The following DHRS13 variants were observed in gnomAD, a reference collection of about 807,000 sequenced individuals.
DHRS13 encodes dehydrogenase/reductase 13, also known as dehydrogenase/reductase SDR family member 13.
In DHRS13, 22 loss-of-function variants were observed where a neutral mutation model predicts 17.9. The ratio of observed to expected loss-of-function variants is 1.23; its 90% CI spans 0.88 to 1.75. The LOEUF (loss-of-function observed/expected upper bound fraction) is 1.75. Ranked by LOEUF, DHRS13 falls within the 40% of genes most tolerant of loss-of-function variation. The probability of loss-of-function intolerance (pLI) is 0.00; values close to 1 mark genes in which losing one functional copy is unlikely to be tolerated. For synonymous variants in DHRS13, 206 were observed against 220.4 expected (o/e 0.93, Z 0.58); for missense variants, 483 against 519.9 (o/e 0.93, Z 0.69).
Position 28,901,778 on chromosome 17 carries a change from C to T in DHRS13, c.247-162G>A, listed in dbSNP as rs1444426276. On this transcript the variant is annotated intron_variant, in intron 2 of 4. Transcript: ENST00000378895. This position sits in a 1 kb window ranked among gnomAD's most constrained non-coding sequence, Gnocchi z 4.3. ...GTGTGGATTCAAATCCTGACTTTGC[C>T]TTTTACTAAAGTGTGACCTTGGGCA... 7.9e-7 allele frequency: 1 copy of T among 1,267,998 alleles called. No homozygotes were observed. The highest frequency in any genetic ancestry group is 1.6e-5 in the South Asian group (1 of 62,980). The allele number at this position is 1,267,998 out of a possible 1,614,324, so 78.5% of individuals were successfully genotyped here. A position where few individuals can be genotyped will look rare whatever the true frequency, so the allele number is the denominator to read the frequency against.
In DHRS13 at chr17:28,901,842, G is replaced by T. The variant is rs749535328; in HGVS notation, c.247-226C>A. 1.7e-6 allele frequency: 1 copy of T among 601,812 alleles called. No homozygotes were observed. Among genetic ancestry groups the T allele is most frequent in the East Asian group, 3.0e-5 (1 of 32,896 alleles). 37.3% of individuals were successfully genotyped at this position (601,812 alleles called of 1,614,324 possible). ...CTCTGGGTCTCAGTTCTCTCACTGC[G>T]TAAAGGGAATAATAATAACAACAGT... On this transcript the variant is annotated intron_variant, in intron 2 of 4. Transcript: ENST00000378895. This position sits in a 1 kb window ranked among gnomAD's most constrained non-coding sequence, Gnocchi z 4.3.
Position 28,901,497 on chromosome 17 carries a change from A to T in DHRS13, c.366T>A (p.Asn122Lys). The T allele has an allele frequency of 6.2e-7, 1 of 1,613,402 alleles. No individual in the cohort carries two copies. The highest frequency in any genetic ancestry group is 8.5e-7 in the Non-Finnish European group (1 of 1,179,750). ...GCAGGGCCTGCTGCCCCTCACCGGCATTGTGGATGAGGATGTCCAACCGTG... is the reference window on the plus strand; with the variant it reads ...GCAGGGCCTGCTGCCCCTCACCGGCTTTGTGGATGAGGATGTCCAACCGTG... The part of the protein sequence containing the change: ...SEPRLDILIH[N>K]AGISSCGRTR... The change falls in exon 3 of 5, where the codon AAT (asparagine) becomes AAA (lysine). Residue 122 changes from asparagine (N) to lysine (K), a missense_variant. By Grantham distance (94) the Asn-to-Lys change is moderately conservative. Transcript: ENST00000378895. This position sits in a 1 kb window ranked among gnomAD's most constrained non-coding sequence, Gnocchi z 4.3.
chr17:28,898,145 A>G lies in DHRS13; in HGVS notation c.*296T>C. The G allele has an allele frequency of 2.3e-6, 1 of 427,172 alleles. No individual in the cohort carries two copies. Among genetic ancestry groups the G allele is most frequent in the South Asian group, 2.8e-5 (1 of 36,052 alleles). The allele number at this position is 427,172 out of a possible 1,614,324, so 26.5% of individuals were successfully genotyped here. ...TGCAAACTCCCTGCCTCTGCTCCAG[A>G]GCTGATCAGAATCAATAAGGGTGGG... is the stretch of plus-strand genomic sequence containing the variant. On this transcript the variant is annotated 3_prime_UTR_variant, in exon 5 of 5. Transcript: ENST00000378895.
In DHRS13 at chr17:28,902,955, C is replaced by T; in HGVS notation, c.-11G>A. 2.7e-6 allele frequency: 4 copies of T among 1,508,224 alleles called. No individual in the cohort carries two copies. The South Asian group carries it at 4.9e-5, about 18-fold the overall frequency. The allele number at this position is 1,508,224 out of a possible 1,614,324, so 93.4% of individuals were successfully genotyped here. A position where few individuals can be genotyped will look rare whatever the true frequency, so the allele number is the denominator to read the frequency against. ...CAGCAGCGCCTCCATGCCGGCCGCG[C>T]CTCCCGGCTCCCGCCCAGGCCCCGC... is the stretch of plus-strand genomic sequence containing the variant. On this transcript the variant is annotated 5_prime_UTR_variant, in exon 1 of 5. Coordinates refer to ENST00000378895, the MANE Select transcript of DHRS13 (RefSeq NM_144683.4). The surrounding 1 kb of genome is among the most constrained non-coding windows in gnomAD (Gnocchi z 4.0).
At position 28,902,819 on chromosome 17, in the gene DHRS13, C is replaced by G; in HGVS notation, c.126G>C (p.Thr42=). The G allele has an allele frequency of 6.5e-7, 1 of 1,537,242 alleles. No homozygotes were observed. Among genetic ancestry groups the G allele is most frequent in the Non-Finnish European group, 8.7e-7 (1 of 1,150,886 alleles). The change falls in exon 1 of 5, where the codon ACG becomes ACC. Residue 42 remains threonine, a splice_region_variant and synonymous_variant. Coordinates refer to ENST00000378895, the MANE Select transcript of DHRS13 (RefSeq NM_144683.4). This position sits in a 1 kb window ranked among gnomAD's most constrained non-coding sequence, Gnocchi z 4.0. ...GCACTCACCCGCCTCCGCACTCACCCGTGACCACGGCCGTGCGGCCCCGCA... is the reference window on the plus strand; with the variant it reads ...GCACTCACCCGCCTCCGCACTCACCGGTGACCACGGCCGTGCGGCCCCGCA... The part of the protein sequence containing the change: ...GNLRGRTAVV[T]GANSGIGKMT...
In DHRS13 at chr17:28,898,342, T is replaced by G; in HGVS notation, c.*99A>C. ...GGGCCCCAGAAAGTAACCACGGAGG[T>G]CAAGATCACAAACCCGTCAGTGTCC... On this transcript the variant is annotated 3_prime_UTR_variant, in exon 5 of 5. Transcript: ENST00000378895. 7.2e-7 allele frequency: 1 copy of G among 1,390,262 alleles called. No homozygotes were observed. The highest frequency in any genetic ancestry group is 1.4e-5 in the South Asian group (1 of 71,568). The allele number at this position is 1,390,262 out of a possible 1,614,324, so 86.1% of individuals were successfully genotyped here.
chr17:28,901,157 G>A lies in DHRS13; in HGVS notation c.515C>T (p.Ala172Val). 1 of 1,614,198 alleles carries A rather than the reference G, an allele frequency of 6.2e-7. No homozygotes were observed. The highest frequency in any genetic ancestry group is 1.1e-5 in the South Asian group (1 of 91,088). ...PSRVVVVASA[A>V]HCRGRLDFKR... The stretch of plus-strand genomic sequence containing the variant: ...GAAGTCAAGACGTCCCCGACAGTGG[G>A]CAGCTGAGGCTACCACCACCACGCG... Residue 172 changes from alanine to valine, a missense_variant, in exon 4 of 5, where the codon GCC (alanine) becomes GTC (valine). Physicochemically the swap from Ala to Val is moderately conservative, Grantham distance 64. Transcript: ENST00000378895. This position sits in a 1 kb window ranked among gnomAD's most constrained non-coding sequence, Gnocchi z 4.3.
chr17:28,898,132 GC>G lies in DHRS13; in HGVS notation c.*308del. 1 of 386,094 alleles carries G rather than the reference GC, an allele frequency of 2.6e-6. No individual in the cohort carries two copies. The highest frequency in any genetic ancestry group is 3.1e-5 in the South Asian group (1 of 32,210). 23.9% of individuals were successfully genotyped at this position (386,094 alleles called of 1,614,324 possible). A position where few individuals can be genotyped will look rare whatever the true frequency, so the allele number is the denominator to read the frequency against. On this transcript the variant is annotated 3_prime_UTR_variant, in exon 5 of 5. Coordinates refer to ENST00000378895, the MANE Select transcript of DHRS13 (RefSeq NM_144683.4). ...CAGTGCATCACATTGCAAACTCCCT[GC>G]CTCTGCTCCAGAGCTGATCAGAATC...
chr17:28,902,461 G>T lies in DHRS13; in HGVS notation c.246+122C>A. On this transcript the variant is annotated intron_variant, in intron 2 of 4. Coordinates refer to ENST00000378895, the MANE Select transcript of DHRS13 (RefSeq NM_144683.4). This position sits in a 1 kb window ranked among gnomAD's most constrained non-coding sequence, Gnocchi z 4.0. ...AGCGCTCCGTGCACTCCCTCTTCGC[G>T]CTCAGCCGCCCGCGCCGCGCTCTCC... The T allele has an allele frequency of 9.3e-7, 1 of 1,078,710 alleles. No homozygotes were observed. The highest frequency in any genetic ancestry group is 1.2e-6 in the Non-Finnish European group (1 of 812,432). 66.8% of individuals were successfully genotyped at this position (1,078,710 alleles called of 1,614,324 possible). A position where few individuals can be genotyped will look rare whatever the true frequency, so the allele number is the denominator to read the frequency against.
In DHRS13 at chr17:28,898,035, T is replaced by G. The variant is rs948348114; in HGVS notation, c.*406A>C. ...AGCTCGGGAGCCTAATTCCGCTTCATTAACATGGGGGTAATTTAACTACCT... is the reference window on the plus strand; with the variant it reads ...AGCTCGGGAGCCTAATTCCGCTTCAGTAACATGGGGGTAATTTAACTACCT... On this transcript the variant is annotated 3_prime_UTR_variant, in exon 5 of 5. Coordinates refer to ENST00000378895, the MANE Select transcript of DHRS13 (RefSeq NM_144683.4). The G allele has an allele frequency of 4.4e-6, 1 of 228,538 alleles. No individual in the cohort carries two copies. Among genetic ancestry groups the G allele is most frequent in the Non-Finnish European group, 8.5e-6 (1 of 117,448 alleles). 14.2% of individuals were successfully genotyped at this position (228,538 alleles called of 1,614,324 possible). A position where few individuals can be genotyped will look rare whatever the true frequency, so the allele number is the denominator to read the frequency against.
At position 28,901,985 on chromosome 17, in the gene DHRS13, C is replaced by T. The variant is rs2039809536; in HGVS notation, c.247-369G>A. The T allele has an allele frequency of 1.0e-5, 2 of 192,480 alleles. No homozygotes were observed. Among genetic ancestry groups the T allele is most frequent in the South Asian group, 9.2e-5 (1 of 10,906 alleles). The allele number at this position is 192,480 out of a possible 1,614,324, so 11.9% of individuals were successfully genotyped here. A position where few individuals can be genotyped will look rare whatever the true frequency, so the allele number is the denominator to read the frequency against. On this transcript the variant is annotated intron_variant, in intron 2 of 4. Coordinates refer to ENST00000378895, the MANE Select transcript of DHRS13 (RefSeq NM_144683.4). This position sits in a 1 kb window ranked among gnomAD's most constrained non-coding sequence, Gnocchi z 4.3. ...CACCTCCTTTCCCCATTACCATTTA[C>T]CCTAAAATCTGTAACTTCTCACTGG...
In DHRS13 at chr17:28,902,571, G is replaced by A; in HGVS notation, c.246+12C>T. 2 of 1,474,790 alleles carry A rather than the reference G, an allele frequency of 1.4e-6. No individual in the cohort carries two copies. The highest frequency in any genetic ancestry group is 1.8e-6 in the Non-Finnish European group (2 of 1,121,164). 91.4% of individuals were successfully genotyped at this position (1,474,790 alleles called of 1,614,324 possible). On this transcript the variant is annotated intron_variant, in intron 2 of 4. Transcript: ENST00000378895. This position sits in a 1 kb window ranked among gnomAD's most constrained non-coding sequence, Gnocchi z 4.0. ...TCGGCTCACCGTCCCACGCGCCCCC[G>A]CTGCCTCTCACCTGGCGGAGGTCGA...
rs1273638254 is a variant in DHRS13, at chr17:28,902,593, T to G, written c.236A>C (p.Asp79Ala). Residue 79 changes from aspartate (D) to alanine (A), a missense_variant, in exon 2 of 5, where the codon GAC (aspartate) becomes GCC (alanine). Asp to Ala is a moderately radical substitution (Grantham distance 126). Coordinates refer to ENST00000378895, the MANE Select transcript of DHRS13 (RefSeq NM_144683.4). This position sits in a 1 kb window ranked among gnomAD's most constrained non-coding sequence, Gnocchi z 4.0. ...CCCGCTGCCTCTCACCTGGCGGAGG[T>G]CGAAGGCAGCCGCCTCCCCGCGCTC... Reference protein sequence around the residue: ...SQERGEAAAFDLRQESGNNEV... With the variant: ...SQERGEAAAFALRQESGNNEV... 4 of 1,478,386 alleles carry G rather than the reference T, an allele frequency of 2.7e-6. No homozygotes were observed. The East Asian group carries it at 1.2e-4, about 44-fold the overall frequency. The allele number at this position is 1,478,386 out of a possible 1,614,324, so 91.6% of individuals were successfully genotyped here. A position where few individuals can be genotyped will look rare whatever the true frequency, so the allele number is the denominator to read the frequency against.
At position 28,902,128 on chromosome 17, in the gene DHRS13, G is replaced by C. The variant is rs2039810766; in HGVS notation, c.246+455C>G. On this transcript the variant is annotated intron_variant, in intron 2 of 4. Coordinates refer to ENST00000378895, the MANE Select transcript of DHRS13 (RefSeq NM_144683.4). The surrounding 1 kb of genome is among the most constrained non-coding windows in gnomAD (Gnocchi z 4.0). ...CTGAGGGCTGTTCATGGTCTCCACT[G>C]GTCTCTGCTGCCCAATCTATAAAAT... 6.0e-6 allele frequency: 1 copy of C among 166,352 alleles called. No homozygotes were observed. Among genetic ancestry groups the C allele is most frequent in the African/African-American group, 2.4e-5 (1 of 41,656 alleles). 10.3% of individuals were successfully genotyped at this position (166,352 alleles called of 1,614,324 possible). A position where few individuals can be genotyped will look rare whatever the true frequency, so the allele number is the denominator to read the frequency against.
In DHRS13 at chr17:28,899,286, T is replaced by C. The variant is rs2039788727; in HGVS notation, c.683-394A>G. The C allele has an allele frequency of 5.4e-6, 1 of 185,164 alleles. No individual in the cohort carries two copies. Among genetic ancestry groups the C allele is most frequent in the Non-Finnish European group, 1.1e-5 (1 of 89,984 alleles). 11.5% of individuals were successfully genotyped at this position (185,164 alleles called of 1,614,324 possible). On this transcript the variant is annotated intron_variant, in intron 4 of 4. Transcript: ENST00000378895. The surrounding 1 kb of genome is among the most constrained non-coding windows in gnomAD (Gnocchi z 4.7). Reference sequence around the variant, plus strand: ...GTCTCTCTCCATCTTTTCTTCTAGCTCAAGTCCTGTTCCTTGTTTAACCAG... The same window carrying C: ...GTCTCTCTCCATCTTTTCTTCTAGCCCAAGTCCTGTTCCTTGTTTAACCAG...
Position 28,902,973 on chromosome 17 carries a change from G to C in DHRS13, c.-29C>G, listed in dbSNP as rs993758919. 1.2e-5 allele frequency: 18 copies of C among 1,457,154 alleles called. No individual in the cohort carries two copies. The highest frequency in any genetic ancestry group is 2.9e-5 in the African/African-American group (2 of 68,196). 90.3% of individuals were successfully genotyped at this position (1,457,154 alleles called of 1,614,324 possible). ...GGCCGCGCCTCCCGGCTCCCGCCCA[G>C]GCCCCGCACCGCCCTGGATCGCCGC... On this transcript the variant is annotated 5_prime_UTR_variant, in exon 1 of 5. Transcript: ENST00000378895. This position sits in a 1 kb window ranked among gnomAD's most constrained non-coding sequence, Gnocchi z 4.0.
Position 28,900,992 on chromosome 17 carries a change from G to C in DHRS13, c.680C>G (p.Pro227Arg), listed in dbSNP as rs1352023925. ...GAAGCCAAAGAACCAGACCTCACCT[G>C]GGTGGGCTGCATAGCAGGTGACGCC... ...ATGVTCYAAH[P>R]GPVNSELFLR... The change falls in exon 4 of 5, where the codon CCA (proline) becomes CGA (arginine). Residue 227 changes from proline to arginine, a missense_variant and splice_region_variant. Pro to Arg is a moderately radical substitution (Grantham distance 103, BLOSUM62 -2). Coordinates refer to ENST00000378895, the MANE Select transcript of DHRS13 (RefSeq NM_144683.4). 1.3e-6 allele frequency: 2 copies of C among 1,588,794 alleles called. No individual in the cohort carries two copies. Among genetic ancestry groups the C allele is most frequent in the South Asian group, 2.3e-5 (2 of 87,874 alleles).
rs1016475118 is a variant in DHRS13 at position 28,902,264 on chromosome 17, T to C, written c.246+319A>G. 1 of 274,050 alleles carries C rather than the reference T, an allele frequency of 3.6e-6. No homozygotes were observed. Among genetic ancestry groups the C allele is most frequent in the Non-Finnish European group, 6.9e-6 (1 of 145,848 alleles). The allele number at this position is 274,050 out of a possible 1,614,324, so 17.0% of individuals were successfully genotyped here. On this transcript the variant is annotated intron_variant, in intron 2 of 4. Transcript: ENST00000378895. This position sits in a 1 kb window ranked among gnomAD's most constrained non-coding sequence, Gnocchi z 4.0. ...TCTTTTTCTCAGTTTTTCAGATCAG[T>C]CCAGCTCTCTTTGCCTCAGAGCCTT...
chr17:28,903,027 G>T lies in DHRS13; in HGVS notation c.-83C>A. On this transcript the variant is annotated 5_prime_UTR_variant, in exon 1 of 5. Transcript: ENST00000378895. The surrounding 1 kb of genome is among the most constrained non-coding windows in gnomAD (Gnocchi z 4.8). ...GCGGCTGCCGATCCGCCCTGCACAG[G>T]CCTGGAACGGCGCCCGGGCGCGTCA... The T allele has an allele frequency of 1.7e-6, 2 of 1,177,772 alleles. No homozygotes were observed. The highest frequency in any genetic ancestry group is 2.1e-6 in the Non-Finnish European group (2 of 936,888). The allele number at this position is 1,177,772 out of a possible 1,614,324, so 73.0% of individuals were successfully genotyped here.
Sources: allele counts gnomAD v4.1 joint callset, GRCh38; gene constraint gnomAD v4.1.1; non-coding constraint Gnocchi (gnomAD v3.1); transcripts MANE v1.5; gene names NCBI Gene and HGNC (gene_info 2026-07-23, HGNC 2026-07-21).